The following ZAR1L variants were observed in gnomAD, a reference collection of about 807,000 sequenced individuals.
ZAR1L encodes protein ZAR1-like.
A neutral mutation model predicts 30.0 loss-of-function variants in ZAR1L; 16 were observed. That is an observed-to-expected ratio of 0.53 (90% CI 0.36 to 0.81). The LOEUF is 0.81. Ranked by LOEUF, ZAR1L falls within the 30% of genes least tolerant of loss-of-function variation. The pLI is 0.00. For synonymous variants in ZAR1L, 197 were observed against 166.8 expected (o/e 1.18, Z -1.40); for missense variants, 392 against 417.2 (o/e 0.94, Z 0.53).
At chr13:32,311,168 T>C in intron 3 of ZAR1L, 104 bp downstream of exon 3, 4 of 1,279,710 alleles carry the variant, frequency 3.1e-6, no homozygotes, top group Non-Finnish European at 4.2e-6. Context: ...ACCAAGTACA[T>C]GGAAGAAGAG....
In ZAR1L at chr13:32,311,569, G is replaced by C. The variant is rs1025701718; in HGVS notation, c.357C>G (p.Asp119Glu). ...GCAGGGGCTCCTGGGGGTCTCTGCC[G>C]TCCCAGGGGGAGCAGCTGCTGAGGG... The part of the protein sequence containing the change: ...PRTLSSCSPW[D>E]GRDPQEPLPA... The change falls in exon 3 of 6, where the codon GAC becomes GAG. Residue 119 changes from aspartate (D) to glutamate (E), a missense_variant. Physicochemically the swap from Asp to Glu is conservative, Grantham distance 45. Coordinates refer to ENST00000533490, the MANE Select transcript of ZAR1L (RefSeq NM_001136571.2). 1 of 1,537,986 alleles carries C rather than the reference G, an allele frequency of 6.5e-7. No homozygotes were observed. Among genetic ancestry groups the C allele is most frequent in the Admixed American group, 2.0e-5 (1 of 50,186 alleles).
At chr13:32,305,387 C>T (rs1361370089) in intron 5 of ZAR1L, among the ~76,000 whole-genome samples, 4 of 151,970 alleles carry the variant, frequency 2.6e-5, no homozygotes, top group African/African-American at 4.8e-5. Flanking sequence ...CCACTGCACC[C>T]GGCTAATTTT....
intron 2 of ZAR1L, among the ~76,000 whole-genome samples, chr13:32,312,355 T>A (rs2072219510): frequency 1.3e-5 from 2 of 152,228 alleles, no homozygotes; most frequent in African/African-American, 4.8e-5. Flanking sequence ...GTATGAAGGT[T>A]CCTTAAAAAA....
In ZAR1L at chr13:32,305,365, T is replaced by C. The variant is rs568970158; in HGVS notation, c.823-1343A>G. The stretch of plus-strand genomic sequence containing the variant: ...CCTCAGCCTCCTGAGTAGCTGGGAC[T>C]ACAGGCGCCTGCCACTGCACCCGGC... On this transcript the variant is annotated intron_variant, in intron 5 of 5. Transcript: ENST00000533490. Among the ~76,000 whole-genome samples, 17 of 152,206 alleles carry C rather than the reference T, an allele frequency of 1.1e-4. No homozygotes were observed. The South Asian group carries it at 3.1e-3, about 28-fold the overall frequency.
chr13:32,307,372 G>A lies in ZAR1L; in HGVS notation c.822+1314C>T, dbSNP rs957975858. On this transcript the variant is annotated intron_variant, in intron 5 of 5. Transcript: ENST00000533490. ...AAATTAGCCAGGCATGGTAGCAGGCGCCTGTAGTCCTAGCTACTTGGGAGG... is the reference window on the plus strand; with the variant it reads ...AAATTAGCCAGGCATGGTAGCAGGCACCTGTAGTCCTAGCTACTTGGGAGG... 1.4e-4 allele frequency among the ~76,000 whole-genome samples: 21 copies of A among 151,692 alleles called. No individual in the cohort carries two copies. In the East Asian group the frequency reaches 1.6e-3, roughly 11 times the overall value.
chr13:32,304,308 TA>T (rs556794992), intron 5 of ZAR1L, among the ~76,000 whole-genome samples: 346 of 152,348 alleles, frequency 2.3e-3, no homozygotes, highest in African/African-American at 7.6e-3. Context: ...ATTTCTTCCC[TA>T]TGTAGATTTT....
intron 5 of ZAR1L, among the ~76,000 whole-genome samples, chr13:32,305,834 G>C (rs778752912): frequency 2.0e-5 from 3 of 152,176 alleles, no homozygotes; most frequent in Non-Finnish European, 4.4e-5. Context: ...GTCTGGGACT[G>C]TTTACTCTCA....
At chr13:32,312,192 T>C in intron 2 of ZAR1L, 99 bp from the exon 3 acceptor site, 1 of 429,310 alleles carries the variant, frequency 2.3e-6, no homozygotes, top group Non-Finnish European at 4.1e-6. Context: ...GGAATCTTTT[T>C]TTCAAAGCTG....
intron 3 of ZAR1L, 142 bp downstream of exon 3, chr13:32,311,130 T>C (rs775113284): frequency 1.6e-4 from 166 of 1,043,702 alleles, no homozygotes; most frequent in African/African-American, 1.9e-4. Context: ...CCACGTGATA[T>C]ACATATTTTC....
intron 1 of ZAR1L, 147 bp downstream of exon 1, chr13:32,315,168 G>A (rs2072241252): frequency 6.6e-6 from 1 of 152,184 alleles, no homozygotes; most frequent in Non-Finnish European, 1.5e-5. Context: ...GTATTTCATA[G>A]GTCCCAGGTC....
chr13:32,306,030 C>T (rs2072172084), intron 5 of ZAR1L, among the ~76,000 whole-genome samples: 1 of 152,122 alleles, frequency 6.6e-6, no homozygotes, highest in Admixed American at 6.5e-5. Context: ...GGAAATAAAA[C>T]TAATATTTCC....
chr13:32,315,249 TA>T (rs1210840540), intron 1 of ZAR1L, 65 bp downstream of exon 1: 1 of 152,314 alleles, frequency 6.6e-6, no homozygotes, highest in Non-Finnish European at 1.5e-5. Flanking sequence ...GGAGTAGGCA[TA>T]GGGGCGGCCC....
intron 4 of ZAR1L, among the ~76,000 whole-genome samples, chr13:32,309,965 G>A (rs1227948253): frequency 2.0e-5 from 3 of 152,168 alleles, no homozygotes; most frequent in Non-Finnish European, 2.9e-5. Flanking sequence ...CTAAACATGC[G>A]ACAGCACAGG....
chr13:32,308,625 TCA>T, intron 5 of ZAR1L, 59 bp downstream of exon 5: 5 of 1,266,472 alleles, frequency 3.9e-6, no homozygotes, highest in Non-Finnish European at 4.5e-6. Flanking sequence ...TAACATTTTG[TCA>T]CAGAGGCTTC....
Position 32,311,451 on chromosome 13 carries a change from C to T in ZAR1L, c.475G>A (p.Gly159Ser). The change falls in exon 3 of 6, where the codon GGC becomes AGC. Residue 159 changes from glycine to serine, a missense_variant. Gly to Ser is a moderately conservative substitution (Grantham distance 56, BLOSUM62 0). Coordinates refer to ENST00000533490, the MANE Select transcript of ZAR1L (RefSeq NM_001136571.2). Reference protein sequence around the residue: ...GDEAESKALPGPAEASQPQPP... With the variant: ...GDEAESKALPSPAEASQPQPP... The stretch of plus-strand genomic sequence containing the variant: ...TGCGGCTGGCTGGCCTCCGCAGGGC[C>T]CGGGAGCGCCTTGCTCTCCGCTTCG... 6.5e-7 allele frequency: 1 copy of T among 1,547,626 alleles called. No homozygotes were observed. The highest frequency in any genetic ancestry group is 1.2e-5 in the South Asian group (1 of 84,044).
At chr13:32,312,689 C>T (rs181046208) in intron 2 of ZAR1L, among the ~76,000 whole-genome samples, 10 of 152,066 alleles carry the variant, frequency 6.6e-5, no homozygotes, top group African/African-American at 2.2e-4. Flanking sequence ...ACCAACCTGG[C>T]CAACATGATG....
At position 32,311,946 on chromosome 13, in the gene ZAR1L, G is replaced by A. The variant is rs1404476371; in HGVS notation, c.-21C>T. The A allele has an allele frequency of 4.6e-6, 7 of 1,530,140 alleles. No individual in the cohort carries two copies. The African/African-American group carries it at 8.3e-5, about 18-fold the overall frequency. 94.8% of individuals were successfully genotyped at this position (1,530,140 alleles called of 1,614,324 possible). ...TCCATCCGCTCTCAGGTGCTCAGGC[G>A]CAGTCTAATATCCTAGCCAGTTTGT... On this transcript the variant is annotated 5_prime_UTR_variant, in exon 3 of 6. Transcript: ENST00000533490.
chr13:32,308,889 C>T (rs1376660434), intron 4 of ZAR1L, 129 bp from the exon 5 acceptor site: 1 of 628,880 alleles, frequency 1.6e-6, no homozygotes, highest in African/African-American at 1.8e-5. Context: ...TGCCTTTTAT[C>T]TTGCTTTTAC....
chr13:32,311,710 G>A lies in ZAR1L; in HGVS notation c.216C>T (p.Leu72=), dbSNP rs1437317002. Residue 72 remains leucine, a synonymous_variant, in exon 3 of 6, where the codon CTC becomes CTT. Transcript: ENST00000533490. The part of the protein sequence containing the change: ...PYKRAQLKAI[L]SQMNPSLSPR... ...GGCTCAGGCTGGGGTTCATCTGGGA[G>A]AGAATGGCCTTAAGCTGCGCCCTCT... is the stretch of plus-strand genomic sequence containing the variant. 6.4e-7 allele frequency: 1 copy of A among 1,551,744 alleles called. No homozygotes were observed. The highest frequency in any genetic ancestry group is 8.7e-7 in the Non-Finnish European group (1 of 1,147,012).
Sources: gnomAD v4.1 joint callset for allele counts (sites outside exome capture counted in the v4.1 genomes callset) on GRCh38, gnomAD v4.1.1 for gene constraint, MANE v1.5 for transcripts, NCBI Gene and HGNC (gene_info 2026-07-23, HGNC 2026-07-21) for gene names.